Variants in DMD observed in about 807,000 individuals in gnomAD.
The protein encoded by DMD is dystrophin.
Under a neutral mutation model 330.1 loss-of-function variants are expected in DMD, and 63 were observed. The ratio of observed to expected loss-of-function variants is 0.19; its 90% confidence interval spans 0.16 to 0.24. The LOEUF (loss-of-function observed/expected upper bound fraction) is 0.24, where lower values mean the gene tolerates loss of function less well. Ranked by LOEUF, DMD falls within the 10% of genes least tolerant of loss-of-function variation. The pLI is 1.00. For missense variants in DMD, 3,344 were observed against 2,684.1 expected, an observed-to-expected ratio of 1.25 and a Z score of -5.43; for synonymous variants, 1,223 against 959.8, an observed-to-expected ratio of 1.27 and a Z score of -5.07.
intron 1 of DMD, among the ~76,000 whole-genome samples, chrX:33,154,954 G>T (rs2048437837): frequency 1.8e-5 from 2 of 111,833 alleles, no homozygotes; most frequent in African/African-American, 6.5e-5. Flanking sequence ...TTATCCATGT[G>T]ATTTTCTTCA....
At chrX:31,427,302 C>T (rs1268363560) in intron 60 of DMD, among the ~76,000 whole-genome samples, 2 of 111,353 alleles carry the variant, frequency 1.8e-5, no homozygotes, top group East Asian at 5.7e-4. Flanking sequence ...CTACTCATTG[C>T]TCGAGTCTAA....
intron 67 of DMD, among the ~76,000 whole-genome samples, chrX:31,186,368 G>A (rs2041778838): frequency 8.9e-6 from 1 of 111,868 alleles, no homozygotes; most frequent in South Asian, 3.8e-4. Flanking sequence ...GATGGAGCTG[G>A]AGGCCATTAT....
intron 41 of DMD, among the ~76,000 whole-genome samples, chrX:32,328,851 T>TA (rs34629811): frequency 2.7e-5 from 3 of 111,717 alleles, no homozygotes; most frequent in East Asian, 5.6e-4. Context: ...ATTCTTGCAT[T>TA]AAAAAACTTT....
chrX:32,237,899 A>C (rs944700169), intron 43 of DMD, among the ~76,000 whole-genome samples: 2 of 111,915 alleles, frequency 1.8e-5, no homozygotes, highest in African/African-American at 6.5e-5. Flanking sequence ...TCTAGCCACT[A>C]ATATTTTGGA....
At chrX:31,835,192 G>T (rs1357455590) in intron 49 of DMD, among the ~76,000 whole-genome samples, 1 of 111,720 alleles carries the variant, frequency 9.0e-6, no homozygotes, top group African/African-American at 3.3e-5. Flanking sequence ...TTTTACAAAG[G>T]CACAAAAGTA....
intron 16 of DMD, among the ~76,000 whole-genome samples, chrX:32,563,740 C>T (rs951936532): frequency 8.9e-6 from 1 of 111,949 alleles, no homozygotes; most frequent in Non-Finnish European, 1.9e-5. Context: ...AAAGTAGTCC[C>T]ATTCCAAGGG....
intron 9 of DMD, among the ~76,000 whole-genome samples, chrX:32,645,648 G>A (rs1371544903): frequency 9.0e-6 from 1 of 111,215 alleles, no homozygotes. Flanking sequence ...GGGAAAGGAA[G>A]GCAAAATTTA....
chrX:31,449,793 T>TAG (rs61629178), intron 59 of DMD, among the ~76,000 whole-genome samples: 5 of 91,058 alleles, frequency 5.5e-5, no homozygotes, highest in South Asian at 5.4e-4. Flanking sequence ...TATATATATA[T>TAG]ATATAGATAG....
intron 4 of DMD, among the ~76,000 whole-genome samples, chrX:32,825,079 A>G (rs1399975939): frequency 9.0e-6 from 1 of 111,714 alleles, no homozygotes; most frequent in African/African-American, 3.2e-5. Flanking sequence ...AAAAGTAAAA[A>G]CCTTCTGCTT....
intron 1 of DMD, among the ~76,000 whole-genome samples, chrX:33,055,799 A>G (rs774429287): frequency 3.6e-5 from 4 of 111,672 alleles, no homozygotes; most frequent in Non-Finnish European, 7.5e-5. Flanking sequence ...GATACCAGCT[A>G]TATGACCTTG....
At chrX:32,150,753 T>C (rs111667146) in intron 44 of DMD, among the ~76,000 whole-genome samples, 1 of 111,790 alleles carries the variant, frequency 8.9e-6, no homozygotes, top group Non-Finnish European at 1.9e-5. Context: ...CTTTCAAAAT[T>C]ATTAGTGAGA....
At chrX:32,560,186 GA>G (rs58266350) in intron 16 of DMD, among the ~76,000 whole-genome samples, 62 of 100,727 alleles carry the variant, frequency 6.2e-4, no homozygotes, top group African/African-American at 1.6e-3. Flanking sequence ...AGACTCGCTT[GA>G]AAAAAAAAAT....
intron 44 of DMD, among the ~76,000 whole-genome samples, chrX:32,071,488 T>C (rs1398403812): frequency 3.9e-5 from 3 of 77,880 alleles, no homozygotes; most frequent in African/African-American, 1.6e-4. Flanking sequence ...AAGGGGAACA[T>C]CACACACCGG....
chrX:32,548,145 A>G (rs761827736), intron 16 of DMD, among the ~76,000 whole-genome samples: 27 of 111,579 alleles, frequency 2.4e-4, no homozygotes, highest in African/African-American at 8.1e-4. Context: ...AGGTTTCTAT[A>G]AAATTCTAAT....
At chrX:31,993,177 G>A (rs974592447) in intron 44 of DMD, among the ~76,000 whole-genome samples, 6 of 111,331 alleles carry the variant, frequency 5.4e-5, no homozygotes, top group East Asian at 2.8e-4. Flanking sequence ...TAAATGTGTC[G>A]TAGAGGTAGA....
chrX:32,195,937 T>C (rs1009135070), intron 44 of DMD, among the ~76,000 whole-genome samples: 2 of 112,047 alleles, frequency 1.8e-5, no homozygotes, highest in African/African-American at 3.2e-5. Context: ...TATATAAGGC[T>C]GCCAAAGAAG....
chrX:31,719,526 C>T (rs749887846), intron 52 of DMD, among the ~76,000 whole-genome samples: 9 of 111,341 alleles, frequency 8.1e-5, no homozygotes, highest in South Asian at 3.8e-4. Flanking sequence ...CATCATGTCC[C>T]GGAGCTATAA....
intron 2 of DMD, among the ~76,000 whole-genome samples, chrX:32,975,052 A>G (rs2092499359): frequency 8.9e-6 from 1 of 111,981 alleles, no homozygotes; most frequent in Non-Finnish European, 1.9e-5. Context: ...AAACTTACAC[A>G]ACCACTGACT....
intron 43 of DMD, among the ~76,000 whole-genome samples, chrX:32,245,990 C>T (rs1213165051): frequency 1.0e-5 from 1 of 96,963 alleles, no homozygotes; most frequent in African/African-American, 3.9e-5. Flanking sequence ...CCAGAACTTC[C>T]AACACTATGT....
Sources: allele counts gnomAD v4.1 joint callset (sites outside exome capture counted in the v4.1 genomes callset), GRCh38; gene constraint gnomAD v4.1.1; transcripts MANE v1.5; gene names NCBI Gene and HGNC (gene_info 2026-07-23, HGNC 2026-07-21).